The following PCSK1 variants were observed in gnomAD, a reference collection of about 807,000 sequenced individuals.
The protein encoded by PCSK1 is neuroendocrine convertase 1.
In PCSK1, 56 loss-of-function variants were observed where a neutral mutation model predicts 90.6. The ratio of observed to expected loss-of-function variants is 0.62; its 90% confidence interval spans 0.50 to 0.77. PCSK1 has a LOEUF of 0.77. Ranked by LOEUF, PCSK1 falls within the 30% of genes least tolerant of loss-of-function variation. PCSK1 has a pLI of 0.00. For synonymous variants in PCSK1, 348 were observed against 342.4 expected, an observed-to-expected ratio of 1.02 and a Z score of -0.18; for missense variants, 801 against 932.6, an observed-to-expected ratio of 0.86 and a Z score of 1.84.
At position 96,408,271 on chromosome 5, in the gene PCSK1, G is replaced by A; in HGVS notation, c.1148C>T (p.Ala383Val). The change falls in exon 9 of 14, where the codon GCC becomes GTC. Residue 383 changes from alanine (A) to valine (V), a missense_variant. By Grantham distance (64) the Ala-to-Val change is moderately conservative. Transcript: ENST00000311106. The part of the protein sequence containing the change: ...DCTETHTGTS[A>V]SAPLAAGIFA... The stretch of plus-strand genomic sequence containing the variant: ...GATGCCAGCAGCCAGAGGTGCAGAG[G>A]CCGAGGTGCCTGTGTGCGTCTCCGT... 6.2e-7 allele frequency: 1 copy of A among 1,614,150 alleles called. No homozygotes were observed. Among genetic ancestry groups the A allele is most frequent in the Non-Finnish European group, 8.5e-7 (1 of 1,180,000 alleles).
At chr5:96,416,798 A>C (rs1305042196) in intron 5 of PCSK1, among the ~76,000 whole-genome samples, 3 of 152,220 alleles carry the variant, frequency 2.0e-5, no homozygotes, top group African/African-American at 4.8e-5. Flanking sequence ...TTGGTTTTGC[A>C]GTCAAGCAAA....
chr5:96,413,025 A>C, intron 6 of PCSK1: 2 of 882,420 alleles, frequency 2.3e-6, no homozygotes, highest in Non-Finnish European at 2.7e-6. Context: ...GACTCTGGAC[A>C]GGAAACATGT....
intron 8 of PCSK1, among the ~76,000 whole-genome samples, chr5:96,410,029 C>A (rs1325251381): frequency 6.6e-6 from 1 of 152,188 alleles, no homozygotes; most frequent in Non-Finnish European, 1.5e-5. Context: ...GATCTATATA[C>A]TTTAGCTAGT....
intron 11 of PCSK1, among the ~76,000 whole-genome samples, chr5:96,398,441 A>G (rs1472979001): frequency 6.6e-6 from 1 of 152,198 alleles, no homozygotes; most frequent in African/African-American, 2.4e-5. Flanking sequence ...TCATGTTACT[A>G]TGATAAATTT....
intron 9 of PCSK1, among the ~76,000 whole-genome samples, chr5:96,404,512 A>G (rs1298909760): frequency 6.6e-6 from 1 of 152,146 alleles, no homozygotes; most frequent in Non-Finnish European, 1.5e-5. Flanking sequence ...TTCTCCTCCC[A>G]TTCCCCAATA....
rs753101332 is a variant in PCSK1 at position 96,408,216 on chromosome 5, GC to G, written c.1196+6del. On this transcript the variant is annotated splice_donor_region_variant and intron_variant, in intron 9 of 13. Transcript: ENST00000311106. The stretch of plus-strand genomic sequence containing the variant: ...GTAAAGGTGATTAGAAGCTTTCTGG[GC>G]CTTACTTTGCTTCCAGGGCCAGAGC... 18 of 1,603,376 alleles carry G rather than the reference GC, an allele frequency of 1.1e-5. No individual in the cohort carries two copies. The African/African-American group carries it at 1.9e-4, about 17-fold the overall frequency.
Position 96,422,621 on chromosome 5 carries a change from C to A in PCSK1, c.544-665G>T, listed in dbSNP as rs1253886405. On this transcript the variant is annotated intron_variant, in intron 4 of 13. Transcript: ENST00000311106. ...CTACTCTGTGCTACTATTTTTCCTTCTCTTTTCCTTGGCTCTTTAGCTTGG... is the reference window on the plus strand; with the variant it reads ...CTACTCTGTGCTACTATTTTTCCTTATCTTTTCCTTGGCTCTTTAGCTTGG... Among the ~76,000 whole-genome samples, 3 of 152,140 alleles carry A rather than the reference C, an allele frequency of 2.0e-5. No homozygotes were observed. In the South Asian group the frequency reaches 6.2e-4, roughly 32 times the overall value.
At chr5:96,408,546 C>T (rs1443143937) in intron 8 of PCSK1, among the ~76,000 whole-genome samples, 1 of 152,160 alleles carries the variant, frequency 6.6e-6, no homozygotes, top group East Asian at 1.9e-4. Flanking sequence ...CAGCAAGATG[C>T]CTTTTCTGGG....
chr5:96,391,109 T>C lies in PCSK1; in HGVS notation c.*1892A>G, dbSNP rs1258080911. The C allele has an allele frequency of 4.6e-5, 7 of 152,238 alleles. No individual in the cohort carries two copies. The highest frequency in any genetic ancestry group is 1.0e-4 in the Non-Finnish European group (7 of 68,030). The allele number at this position is 152,238 out of a possible 1,614,324, so 9.4% of individuals were successfully genotyped here. On this transcript the variant is annotated 3_prime_UTR_variant, in exon 14 of 14. Transcript: ENST00000311106. The stretch of plus-strand genomic sequence containing the variant: ...ATGCTCCAATATTGGAAATTCTATC[T>C]AACACTTCATATCAAACAATATATG...
At chr5:96,402,355 G>T (rs545890777) in intron 9 of PCSK1, among the ~76,000 whole-genome samples, 4 of 152,158 alleles carry the variant, frequency 2.6e-5, no homozygotes, top group Non-Finnish European at 5.9e-5. Flanking sequence ...AAGGCCGCAG[G>T]CCCCCTGGCC....
chr5:96,415,237 A>T (rs1230890358), intron 6 of PCSK1, among the ~76,000 whole-genome samples: 1 of 152,174 alleles, frequency 6.6e-6, no homozygotes, highest in Non-Finnish European at 1.5e-5. Flanking sequence ...CCAACTGAAG[A>T]CACCAGCAAG....
chr5:96,429,965 A>G (rs527947264), intron 1 of PCSK1, among the ~76,000 whole-genome samples: 1 of 152,362 alleles, frequency 6.6e-6, no homozygotes, highest in South Asian at 2.1e-4. Flanking sequence ...TGTTCAAAGA[A>G]CAATTATTTG....
chr5:96,430,763 A>T (rs1761466233), intron 1 of PCSK1, among the ~76,000 whole-genome samples: 1 of 152,214 alleles, frequency 6.6e-6, no homozygotes, highest in Non-Finnish European at 1.5e-5. Flanking sequence ...CATCTTAACT[A>T]AAAATGGTTA....
At chr5:96,412,759 T>TTC (rs2112423557) in intron 6 of PCSK1, among the ~76,000 whole-genome samples, 1 of 143,612 alleles carries the variant, frequency 7.0e-6, no homozygotes, top group East Asian at 2.0e-4. Flanking sequence ...GATGTTTTTT[T>TTC]TTTTTTTTTT....
intron 1 of PCSK1, among the ~76,000 whole-genome samples, chr5:96,431,671 T>C (rs1425873708): frequency 1.3e-5 from 2 of 152,004 alleles, no homozygotes; most frequent in African/African-American, 4.8e-5. Flanking sequence ...TCAAAGACAA[T>C]TTGGTTTATA....
chr5:96,394,640 A>T (rs1225402215), intron 13 of PCSK1, among the ~76,000 whole-genome samples: 1 of 152,244 alleles, frequency 6.6e-6, no homozygotes, highest in African/African-American at 2.4e-5. Flanking sequence ...TAGGAAATTT[A>T]ATACTTTTGA....
intron 1 of PCSK1, among the ~76,000 whole-genome samples, chr5:96,431,801 C>G (rs1199507718): frequency 1.3e-5 from 2 of 152,162 alleles, no homozygotes; most frequent in Non-Finnish European, 2.9e-5. Flanking sequence ...CAACCACCAC[C>G]TCCAGAAAAA....
rs1208992897 is a variant in PCSK1, at chr5:96,391,102, TTCTA to T, written c.*1895_*1898del. The T allele has an allele frequency of 1.3e-5, 2 of 152,228 alleles. No individual in the cohort carries two copies. 9.4% of individuals were successfully genotyped at this position (152,228 alleles called of 1,614,324 possible). ...TTTTGATATGCTCCAATATTGGAAA[TTCTA>T]TCTAACACTTCATATCAAACAATAT... On this transcript the variant is annotated 3_prime_UTR_variant, in exon 14 of 14. Transcript: ENST00000311106.
chr5:96,431,383 C>G (rs1481801241), intron 1 of PCSK1, among the ~76,000 whole-genome samples: 1 of 152,214 alleles, frequency 6.6e-6, no homozygotes, highest in East Asian at 1.9e-4. Context: ...ATTCACCCCT[C>G]CCGAATTCCC....
Sources: allele counts gnomAD v4.1 joint callset (sites outside exome capture counted in the v4.1 genomes callset), GRCh38; gene constraint gnomAD v4.1.1; transcripts MANE v1.5; gene names NCBI Gene and HGNC (gene_info 2026-07-23, HGNC 2026-07-21).